The following CNOT6 variants were observed in gnomAD, a reference collection of about 807,000 sequenced individuals.
The protein encoded by CNOT6 is carbon catabolite repression 4 protein.
Under a neutral mutation model 61.2 loss-of-function variants are expected in CNOT6, and 12 were observed. The observed-to-expected ratio is 0.20, with a 90% CI of 0.13 to 0.32. The LOEUF (loss-of-function observed/expected upper bound fraction) is 0.32. Ranked by LOEUF, CNOT6 falls within the 10% of genes least tolerant of loss-of-function variation. The pLI is 1.00. For synonymous variants in CNOT6, 225 were observed against 240.6 expected, an observed-to-expected ratio of 0.94 and a Z score of 0.60; for missense variants, 405 against 663.9, an observed-to-expected ratio of 0.61 and a Z score of 4.28.
At chr5:180,552,485 CAAAA>C (rs74636591) in intron 3 of CNOT6, among the ~76,000 whole-genome samples, 3 of 144,474 alleles carry the variant, frequency 2.1e-5, no homozygotes, top group African/African-American at 5.1e-5. Flanking sequence ...ACTAAAAATA[CAAAA>C]AAAAAAATTA....
In CNOT6 at chr5:180,535,366, A is replaced by G. The variant is rs79090188; in HGVS notation, c.112+5978A>G. 5.5e-4 allele frequency among the ~76,000 whole-genome samples: 84 copies of G among 152,262 alleles called. 1 individual carries two copies. The highest frequency in any genetic ancestry group is 1.9e-3 in the African/African-American group (79 of 41,546). On this transcript the variant is annotated intron_variant, in intron 2 of 11. Coordinates refer to ENST00000261951, the MANE Select transcript of CNOT6 (RefSeq NM_001370472.1). ...GTCTGTTTTTCCATTCTGTATGTGC[A>G]TGTGTACCCATTGTTTAGCTCCCAC... is the stretch of plus-strand genomic sequence containing the variant.
chr5:180,498,319 A>G (rs1227519698), intron 1 of CNOT6, among the ~76,000 whole-genome samples: 6 of 152,194 alleles, frequency 3.9e-5, no homozygotes, highest in Non-Finnish European at 7.3e-5. Context: ...TGAGAATTCA[A>G]AGACAAATAA....
At chr5:180,566,018 G>A in intron 7 of CNOT6, 41 bp downstream of exon 7, 1 of 1,557,204 alleles carries the variant, frequency 6.4e-7, no homozygotes, top group Non-Finnish European at 8.7e-7. Context: ...ATTGATAAAG[G>A]AAGGAGCAAC....
At position 180,538,696 on chromosome 5, in the gene CNOT6, A is replaced by ATG. The variant is rs1758850213; in HGVS notation, c.112+9309_112+9310insGT. Among the ~76,000 whole-genome samples, 6 of 16,374 alleles carry ATG rather than the reference A, an allele frequency of 3.7e-4. No homozygotes were observed. The East Asian group carries it at 0.011, about 30-fold the overall frequency. The allele number at this position is 16,374 out of a possible 152,430, so 10.7% of individuals were successfully genotyped here. A position where few individuals can be genotyped will look rare whatever the true frequency, so the allele number is the denominator to read the frequency against. ...CTGTCTGAGAAAAAGGTATATATAT[A>ATG]TATATATATATATATATATACAAAA... On this transcript the variant is annotated intron_variant, in intron 2 of 11. Coordinates refer to ENST00000261951, the MANE Select transcript of CNOT6 (RefSeq NM_001370472.1).
intron 2 of CNOT6, among the ~76,000 whole-genome samples, chr5:180,533,899 CT>C (rs774032059): frequency 2.2e-4 from 34 of 152,164 alleles, no homozygotes; most frequent in Non-Finnish European, 4.0e-4. Context: ...AAATCTAAGG[CT>C]TCCTCCTCCC....
intron 8 of CNOT6, 30 bp from the exon 9 acceptor site, chr5:180,567,819 G>C (rs752275751): frequency 6.3e-7 from 1 of 1,580,574 alleles, no homozygotes; most frequent in East Asian, 2.3e-5. Flanking sequence ...CCAACTCTGT[G>C]TGTGTGTGTG....
At chr5:180,501,040 T>C (rs578064551) in intron 1 of CNOT6, among the ~76,000 whole-genome samples, 9 of 152,180 alleles carry the variant, frequency 5.9e-5, no homozygotes, top group Admixed American at 1.3e-4. Context: ...GGAAGAGTGG[T>C]CAGAAACAGC....
At chr5:180,568,573 T>C (rs936433254) in intron 9 of CNOT6, among the ~76,000 whole-genome samples, 1 of 151,072 alleles carries the variant, frequency 6.6e-6, no homozygotes, top group Non-Finnish European at 1.5e-5. Context: ...TAAATAAATA[T>C]AAATAAATAA....
chr5:180,537,555 G>A (rs528180199), intron 2 of CNOT6, among the ~76,000 whole-genome samples: 5 of 151,866 alleles, frequency 3.3e-5, no homozygotes, highest in South Asian at 4.2e-4. Context: ...AATATCTCCC[G>A]GTCTGTGGGT....
chr5:180,571,514 T>A, intron 11 of CNOT6, 82 bp downstream of exon 11: 2 of 990,792 alleles, frequency 2.0e-6, no homozygotes, highest in Admixed American at 3.9e-5. Flanking sequence ...TTTAAAACTG[T>A]GGCTGTGTGT....
intron 1 of CNOT6, among the ~76,000 whole-genome samples, chr5:180,500,736 G>C (rs1282851731): frequency 6.6e-6 from 1 of 152,142 alleles, no homozygotes; most frequent in Non-Finnish European, 1.5e-5. Context: ...TACCTTTGTG[G>C]GGCTTAGAGT....
chr5:180,516,455 C>T (rs1757642732), intron 1 of CNOT6, among the ~76,000 whole-genome samples: 2 of 152,154 alleles, frequency 1.3e-5, no homozygotes, highest in Admixed American at 6.6e-5. Context: ...GCTGGGATTA[C>T]AGACGTGAGC....
intron 1 of CNOT6, among the ~76,000 whole-genome samples, chr5:180,517,664 C>T (rs1307905656): frequency 6.6e-6 from 1 of 152,132 alleles, no homozygotes; most frequent in Non-Finnish European, 1.5e-5. Context: ...CTGCCTCAGC[C>T]TCCTGAGTAG....
intron 3 of CNOT6, among the ~76,000 whole-genome samples, chr5:180,552,372 GC>G (rs1277807892): frequency 6.6e-6 from 1 of 150,832 alleles, no homozygotes. Context: ...GGGCACGATG[GC>G]TCAAGCCTAT....
intron 2 of CNOT6, among the ~76,000 whole-genome samples, chr5:180,532,758 A>G (rs527457922): frequency 1.3e-5 from 2 of 152,312 alleles, no homozygotes; most frequent in East Asian, 3.9e-4. Context: ...GACCAGCTTC[A>G]GGTTGGGGTT....
intron 2 of CNOT6, among the ~76,000 whole-genome samples, chr5:180,531,090 C>A (rs1758343385): frequency 6.6e-6 from 1 of 151,982 alleles, no homozygotes; most frequent in Admixed American, 6.6e-5. Context: ...GTACACCTCC[C>A]AGATGGGGTG....
At chr5:180,552,127 C>T (rs941270672) in intron 3 of CNOT6, among the ~76,000 whole-genome samples, 1 of 151,526 alleles carries the variant, frequency 6.6e-6, no homozygotes, top group African/African-American at 2.4e-5. Flanking sequence ...CCTCGGCCTC[C>T]CAAAGTGCTG....
chr5:180,558,524 A>AAAAC (rs1554102616), intron 4 of CNOT6, among the ~76,000 whole-genome samples: 4 of 151,260 alleles, frequency 2.6e-5, no homozygotes, highest in Non-Finnish European at 4.4e-5. Flanking sequence ...AAAAAAAACA[A>AAAAC]AAAACCTGCT....
rs1376381436 is a variant in CNOT6, at chr5:180,577,922, T to C, written c.*3722T>C. On this transcript the variant is annotated 3_prime_UTR_variant, in exon 12 of 12. Transcript: ENST00000261951. The stretch of plus-strand genomic sequence containing the variant: ...ATACAGGGTCTTTTTTCTTTACCGA[T>C]GTATTTTCCTACTCATAGCCAACCA... 6.6e-6 allele frequency: 1 copy of C among 152,652 alleles called. No individual in the cohort carries two copies. The highest frequency in any genetic ancestry group is 1.5e-5 in the Non-Finnish European group (1 of 68,042). 9.5% of individuals were successfully genotyped at this position (152,652 alleles called of 1,614,324 possible).
Sources: allele counts gnomAD v4.1 joint callset (sites outside exome capture counted in the v4.1 genomes callset), GRCh38; gene constraint gnomAD v4.1.1; transcripts MANE v1.5; gene names NCBI Gene and HGNC (gene_info 2026-07-23, HGNC 2026-07-21).